The following ANK3 variants were observed in gnomAD, a reference collection of about 807,000 sequenced individuals.
The protein encoded by ANK3 is ankyrin 3.
ANK3 carries 57 observed loss-of-function variants against 370.9 expected under a neutral mutation model. The observed-to-expected ratio is 0.15, with a 90% confidence interval of 0.12 to 0.19. The LOEUF (loss-of-function observed/expected upper bound fraction) is 0.19, where lower values mean the gene tolerates loss of function less well. Among genes scored for constraint, ANK3 ranks in the 10% least tolerant of loss-of-function variants. The pLI, the probability that ANK3 is intolerant of heterozygous loss-of-function variation, is 1.00. For synonymous variants in ANK3, 1,929 were observed against 1,946.3 expected, an observed-to-expected ratio of 0.99 and a Z score of 0.23; for missense variants, 4,439 against 5,302.1, an observed-to-expected ratio of 0.84 and a Z score of 5.06.
At chr10:60,079,695 G>A (rs1049752534) in intron 36 of ANK3, among the ~76,000 whole-genome samples, 8 of 152,110 alleles carry the variant, frequency 5.3e-5, no homozygotes, top group South Asian at 2.1e-4. Flanking sequence ...GCACCAATAT[G>A]TCAGTCAAAT....
At chr10:60,660,718 T>C (rs1369709705) in intron 1 of ANK3, among the ~76,000 whole-genome samples, 1 of 152,040 alleles carries the variant, frequency 6.6e-6, no homozygotes, top group Non-Finnish European at 1.5e-5. Context: ...AGCTGGCATT[T>C]AAGTTGGTCC....
At chr10:60,149,030 C>T (rs1484407774) in intron 23 of ANK3, among the ~76,000 whole-genome samples, 1 of 152,226 alleles carries the variant, frequency 6.6e-6, no homozygotes, top group African/African-American at 2.4e-5. Flanking sequence ...GTACCAGGCT[C>T]GTGTATAAAC....
intron 4 of ANK3, among the ~76,000 whole-genome samples, chr10:60,278,294 T>C (rs1024900133): frequency 1.3e-5 from 2 of 152,220 alleles, no homozygotes; most frequent in African/African-American, 4.8e-5. Flanking sequence ...CTAGTATCTT[T>C]TATAGATAGG....
intron 2 of ANK3, among the ~76,000 whole-genome samples, chr10:60,597,012 A>G (rs2133299969): frequency 1.3e-5 from 2 of 152,352 alleles, no homozygotes; most frequent in Middle Eastern, 6.8e-3. Context: ...AAAAAGATTC[A>G]ATCAATATGA....
At chr10:60,676,786 TCAAA>T (rs2079131358) in intron 1 of ANK3, among the ~76,000 whole-genome samples, 1 of 152,210 alleles carries the variant, frequency 6.6e-6, no homozygotes, top group Non-Finnish European at 1.5e-5. Flanking sequence ...GTTAATAGTT[TCAAA>T]TATACGGTTA....
intron 2 of ANK3, among the ~76,000 whole-genome samples, chr10:60,395,608 C>CTT (rs1444364281): frequency 0.011 from 1,209 of 109,770 alleles, 21 homozygotes; most frequent in African/African-American, 0.04. Context: ...TTCTTTCTTT[C>CTT]TCTCTTTCGT....
At chr10:60,461,472 A>G (rs2064882244) in intron 2 of ANK3, among the ~76,000 whole-genome samples, 1 of 152,218 alleles carries the variant, frequency 6.6e-6, no homozygotes, top group South Asian at 2.1e-4. Context: ...TATGAAGCAC[A>G]GATAGGTACA....
At chr10:60,630,944 A>G (rs1482318396) in intron 1 of ANK3, among the ~76,000 whole-genome samples, 1 of 152,112 alleles carries the variant, frequency 6.6e-6, no homozygotes, top group African/African-American at 2.4e-5. Context: ...CACTGCTGAC[A>G]GCAAGAAGTG....
chr10:60,706,651 CTTCGTA>C (rs1005527453), intron 1 of ANK3, among the ~76,000 whole-genome samples: 1 of 151,980 alleles, frequency 6.6e-6, no homozygotes, highest in African/African-American at 2.4e-5. Flanking sequence ...TACATCTCTC[CTTCGTA>C]TTTTAGAGTA....
chr10:60,733,122 C>T (rs933816642), intron 1 of ANK3: 2 of 654,998 alleles, frequency 3.1e-6, no homozygotes, highest in African/African-American at 1.9e-5. Flanking sequence ...CACTCGCCCT[C>T]CCGGAGCCTC....
intron 26 of ANK3, among the ~76,000 whole-genome samples, chr10:60,110,529 A>C (rs1349110056): frequency 6.6e-6 from 1 of 152,186 alleles, no homozygotes; most frequent in African/African-American, 2.4e-5. Flanking sequence ...AACAAAAAGA[A>C]AACAAAAATC....
In ANK3 at chr10:60,045,951, T is replaced by C. The variant is rs1245331856; in HGVS notation, c.13066-3192A>G. Among the ~76,000 whole-genome samples, 3 of 152,074 alleles carry C rather than the reference T, an allele frequency of 2.0e-5. No individual in the cohort carries two copies. The East Asian group carries it at 5.8e-4, about 29-fold the overall frequency. ...TTTCTTATTACAAAGTGACTTTGTG[T>C]TCTTACAGTTTGTGGGTGCATAGTT... On this transcript the variant is annotated intron_variant, in intron 42 of 43. Coordinates refer to ENST00000280772, the MANE Select transcript of ANK3 (RefSeq NM_020987.5).
At chr10:60,123,470 G>C (rs2093605147) in intron 25 of ANK3, among the ~76,000 whole-genome samples, 1 of 152,160 alleles carries the variant, frequency 6.6e-6, no homozygotes, top group Non-Finnish European at 1.5e-5. Flanking sequence ...TCCAGGCAGG[G>C]AAGGAAAGAG....
At chr10:60,598,067 AAC>A (rs2133301325) in intron 2 of ANK3, among the ~76,000 whole-genome samples, 1 of 152,334 alleles carries the variant, frequency 6.6e-6, no homozygotes, top group Non-Finnish European at 1.5e-5. Context: ...GTTTGAAACT[AAC>A]AGGTTGTGAT....
chr10:60,645,505 C>T (rs1233222003), intron 1 of ANK3, among the ~76,000 whole-genome samples: 8 of 152,026 alleles, frequency 5.3e-5, no homozygotes, highest in Admixed American at 3.3e-4. Context: ...CTGGGTGGAT[C>T]GCTTGAGGTC....
chr10:60,226,118 T>A, intron 8 of ANK3, among the ~76,000 whole-genome samples: 1 of 137,314 alleles, frequency 7.3e-6, no homozygotes, highest in African/African-American at 2.7e-5. Flanking sequence ...TACTGTAATA[T>A]ATATTATATA....
At chr10:60,365,811 C>T (rs1206699548) in intron 1 of ANK3, among the ~76,000 whole-genome samples, 3 of 152,130 alleles carry the variant, frequency 2.0e-5, no homozygotes, top group Non-Finnish European at 4.4e-5. Context: ...AGAGGTGAGA[C>T]TTAAACACAG....
intron 1 of ANK3, among the ~76,000 whole-genome samples, chr10:60,283,624 T>A (rs542448385): frequency 1.3e-5 from 2 of 152,180 alleles, no homozygotes; most frequent in Non-Finnish European, 2.9e-5. Flanking sequence ...GTCTACTTAG[T>A]CATTTTACTA....
At chr10:60,276,684 C>T (rs2098095170) in intron 4 of ANK3, among the ~76,000 whole-genome samples, 1 of 152,174 alleles carries the variant, frequency 6.6e-6, no homozygotes, top group Non-Finnish European at 1.5e-5. Flanking sequence ...CCAAACATTG[C>T]CGAGCCAGTT....
Sources: gnomAD v4.1 joint callset for allele counts (sites outside exome capture counted in the v4.1 genomes callset) on GRCh38, gnomAD v4.1.1 for gene constraint, MANE v1.5 for transcripts, NCBI Gene and HGNC (gene_info 2026-07-23, HGNC 2026-07-21) for gene names.